VPS8: variants seen among roughly 807,000 people sequenced by gnomAD.
VPS8 encodes VPS8 subunit of CORVET complex.
A neutral mutation model predicts 216.4 loss-of-function variants in VPS8; 129 were observed. The observed-to-expected ratio is 0.60, with a 90% CI of 0.52 to 0.69. VPS8 has a LOEUF of 0.69. Among genes scored for constraint, VPS8 ranks in the 30% least tolerant of loss-of-function variants. VPS8 has a pLI of 0.00. For missense variants in VPS8, 1,531 were observed against 1,683.5 expected (o/e 0.91, Z 1.59); for synonymous variants, 571 against 565.4 (o/e 1.01, Z -0.14).
intron 27 of VPS8, 110 bp downstream of exon 27, chr3:184,915,163 C>T: frequency 7.3e-7 from 1 of 1,369,948 alleles, no homozygotes; most frequent in Non-Finnish European, 1.0e-6. Context: ...TCACCTGTTG[C>T]AGGAGAGAGC....
At chr3:184,956,097 G>T (rs1745555865) in intron 36 of VPS8, among the ~76,000 whole-genome samples, 2 of 152,106 alleles carry the variant, frequency 1.3e-5, no homozygotes, top group East Asian at 1.9e-4. Context: ...CCCACCTCTG[G>T]TATCACAAAG....
chr3:184,927,124 G>C (rs900121906), intron 31 of VPS8, among the ~76,000 whole-genome samples: 1 of 152,184 alleles, frequency 6.6e-6, no homozygotes. Context: ...ATTATCATGA[G>C]ATAGTAACTG....
At chr3:184,993,373 T>G (rs1007533885) in intron 42 of VPS8, among the ~76,000 whole-genome samples, 6 of 152,078 alleles carry the variant, frequency 3.9e-5, no homozygotes, top group African/African-American at 1.4e-4. Context: ...GTTTTTTTTT[T>G]GTACACTTCA....
chr3:184,885,794 CT>C (rs201959642), intron 21 of VPS8, among the ~76,000 whole-genome samples: 15 of 151,510 alleles, frequency 9.9e-5, no homozygotes, highest in East Asian at 7.7e-4. Flanking sequence ...ATTCATATTT[CT>C]TTTTTTTTCT....
chr3:184,867,264 T>C (rs183369029), intron 17 of VPS8, among the ~76,000 whole-genome samples: 165 of 152,346 alleles, frequency 1.1e-3, no homozygotes, highest in Middle Eastern at 0.01. Context: ...ATATTTGTCA[T>C]GTACTTAAGA....
rs1469215612 is a variant in VPS8, at chr3:184,915,373, C to G, written c.2281C>G (p.Arg761Gly). Residue 761 changes from arginine (R) to glycine (G), a missense_variant, in exon 28 of 48, where the codon CGC becomes GGC. Physicochemically the swap from Arg to Gly is moderately radical, Grantham distance 125. Around this residue, in one of 3 missense-constraint regions of VPS8, gnomAD observed 1,318 missense variants for 1,468.4 expected, o/e 0.90. Coordinates refer to ENST00000625842, the MANE Select transcript of VPS8 (RefSeq NM_001009921.3). ...VKNQVFEFLI[R>G]LHSAEASPEE... ...CTTGCAGGTTTTTGAATTTCTAATT[C>G]GCCTGCATTCAGCAGAGGCTTCTCC... 1.2e-6 allele frequency: 2 copies of G among 1,612,694 alleles called. No homozygotes were observed. The highest frequency in any genetic ancestry group is 2.7e-5 in the African/African-American group (2 of 74,824).
At chr3:184,860,931 C>G (rs1427258613) in intron 15 of VPS8, among the ~76,000 whole-genome samples, 1 of 151,678 alleles carries the variant, frequency 6.6e-6, no homozygotes, top group Non-Finnish European at 1.5e-5. Flanking sequence ...AAGCAATTCT[C>G]CTGCCTCAGC....
intron 14 of VPS8, among the ~76,000 whole-genome samples, chr3:184,859,441 A>G (rs1056136816): frequency 5.9e-5 from 9 of 152,194 alleles, no homozygotes; most frequent in African/African-American, 2.2e-4. Context: ...TAATGCCTCA[A>G]ACTAGATCCT....
intron 22 of VPS8, among the ~76,000 whole-genome samples, chr3:184,889,702 T>C (rs1203243174): frequency 6.6e-6 from 1 of 152,098 alleles, no homozygotes; most frequent in Non-Finnish European, 1.5e-5. Flanking sequence ...TTCCTAGAGA[T>C]GTAAGAAAGG....
rs541706944 is a variant in VPS8, at chr3:184,969,095, A to T, written c.3316+2382A>T. 3.7e-4 allele frequency among the ~76,000 whole-genome samples: 56 copies of T among 152,102 alleles called. 1 individual carries two copies. The highest frequency in any genetic ancestry group is 1.3e-3 in the African/African-American group (52 of 41,514). On this transcript the variant is annotated intron_variant, in intron 39 of 47. Transcript: ENST00000625842. ...TTGTTACATTTTGTGGCAATTTTAA[A>T]ATTTTAGTGTTATAAGAATAACTTT...
chr3:184,953,906 C>T (rs1278270599), intron 36 of VPS8, among the ~76,000 whole-genome samples: 1 of 152,098 alleles, frequency 6.6e-6, no homozygotes, highest in Non-Finnish European at 1.5e-5. Context: ...GGTTGGGGAG[C>T]TTAGGATTTT....
At chr3:184,869,130 T>C (rs1003615498) in intron 19 of VPS8, 94 bp downstream of exon 19, 4 of 1,184,010 alleles carry the variant, frequency 3.4e-6, no homozygotes, top group South Asian at 1.4e-5. Flanking sequence ...TTTAGCTGAG[T>C]GTCGAAGTGT....
chr3:185,034,851 T>G (rs1172572817), intron 46 of VPS8, among the ~76,000 whole-genome samples: 1 of 152,118 alleles, frequency 6.6e-6, no homozygotes, highest in African/African-American at 2.4e-5. Context: ...GATAAACCAC[T>G]AGCTAGGTTA....
At chr3:184,877,774 T>G (rs564536213) in intron 21 of VPS8, among the ~76,000 whole-genome samples, 1 of 152,244 alleles carries the variant, frequency 6.6e-6, no homozygotes, top group Non-Finnish European at 1.5e-5. Context: ...TGTGTTGTTA[T>G]GTAACTCACT....
chr3:184,911,541 G>A (rs1736530382), intron 25 of VPS8, among the ~76,000 whole-genome samples: 1 of 152,232 alleles, frequency 6.6e-6, no homozygotes, highest in Non-Finnish European at 1.5e-5. Context: ...TGTTTAAAGG[G>A]TAGAGAGTGG....
intron 29 of VPS8, among the ~76,000 whole-genome samples, chr3:184,922,664 C>G (rs1466258637): frequency 1.3e-5 from 2 of 152,010 alleles, no homozygotes; most frequent in Admixed American, 6.6e-5. Flanking sequence ...TTATTTTTTT[C>G]ATTTCTAGTG....
intron 45 of VPS8, among the ~76,000 whole-genome samples, chr3:185,019,654 G>A (rs1490500307): frequency 6.6e-6 from 1 of 152,216 alleles, no homozygotes; most frequent in Non-Finnish European, 1.5e-5. Flanking sequence ...CACCCTGGGT[G>A]GGCCAGGTGT....
intron 37 of VPS8, among the ~76,000 whole-genome samples, chr3:184,958,695 T>G (rs1021187357): frequency 1.6e-4 from 25 of 152,110 alleles, no homozygotes; most frequent in Non-Finnish European, 3.5e-4. Context: ...TGGGAGAAAA[T>G]GTTCAAATAC....
intron 36 of VPS8, among the ~76,000 whole-genome samples, chr3:184,945,010 A>G (rs1206821643): frequency 6.6e-6 from 1 of 152,016 alleles, no homozygotes; most frequent in Non-Finnish European, 1.5e-5. Context: ...ATGAGTGCCT[A>G]CAGTGGCCAA....
Sources: allele counts gnomAD v4.1 joint callset (sites outside exome capture counted in the v4.1 genomes callset), GRCh38; gene constraint gnomAD v4.1.1; regional missense constraint gnomAD v4.1.1; transcripts MANE v1.5; gene names NCBI Gene and HGNC (gene_info 2026-07-23, HGNC 2026-07-21).